USP4: variants seen among roughly 807,000 people sequenced by gnomAD.
USP4 encodes ubiquitin specific peptidase 4, also known as ubiquitin carboxyl-terminal hydrolase 4.
In USP4, 72 loss-of-function variants were observed where a neutral mutation model predicts 118.2. The ratio of observed to expected loss-of-function variants is 0.61; its 90% CI spans 0.50 to 0.74. The LOEUF (loss-of-function observed/expected upper bound fraction) is 0.74, where lower values mean the gene tolerates loss of function less well. Among genes scored for constraint, USP4 ranks in the 30% least tolerant of loss-of-function variants. USP4 has a pLI of 0.00. For synonymous variants in USP4, 415 were observed against 440.4 expected, an observed-to-expected ratio of 0.94 and a Z score of 0.72; for missense variants, 1,037 against 1,185.7, an observed-to-expected ratio of 0.87 and a Z score of 1.84.
rs551510888 is a variant in USP4 at position 49,324,780 on chromosome 3, A to C, written c.634-17T>G. 2.4e-5 allele frequency: 38 copies of C among 1,614,136 alleles called. No homozygotes were observed. The Admixed American group carries it at 2.7e-4, about 11-fold the overall frequency. ...TACTAGCACCTGAGTGAAAGGGGAA[A>C]CCAAATGAGGAGAGTTCAAACCACC... On this transcript the variant is annotated splice_polypyrimidine_tract_variant and intron_variant, in intron 5 of 21. Coordinates refer to ENST00000265560, the MANE Select transcript of USP4 (RefSeq NM_003363.4).
chr3:49,317,981 A>G (rs771886380), intron 6 of USP4, among the ~76,000 whole-genome samples: 8 of 151,894 alleles, frequency 5.3e-5, no homozygotes, highest in Non-Finnish European at 1.0e-4. Flanking sequence ...GATTACAGGC[A>G]CACGCCACCA....
chr3:49,294,565 C>A lies in USP4; in HGVS notation c.1725G>T (p.Ser575=), dbSNP rs559879557. 2 of 1,614,084 alleles carry A rather than the reference C, an allele frequency of 1.2e-6. No individual in the cohort carries two copies. Among genetic ancestry groups the A allele is most frequent in the Admixed American group, 3.3e-5 (2 of 59,986 alleles). ...AGTAGACTGGAAGCGTGACACATTC[C>A]GAGCCATCCACGGAAGTGCTGCAGA... ...YEVCSTSVDG[S]ECVTLPVYFR... The change falls in exon 14 of 22, where the codon TCG becomes TCT. Residue 575 remains serine, a synonymous_variant. Coordinates refer to ENST00000265560, the MANE Select transcript of USP4 (RefSeq NM_003363.4).
At chr3:49,289,949 A>G (rs2047135557) in intron 15 of USP4, among the ~76,000 whole-genome samples, 2 of 152,036 alleles carry the variant, frequency 1.3e-5, no homozygotes, top group African/African-American at 4.8e-5. Flanking sequence ...GTCTCCACAA[A>G]AAAGAAAAAA....
At position 49,298,609 on chromosome 3, in the gene USP4, C is replaced by A; in HGVS notation, c.1539G>T (p.Gly513=). The A allele has an allele frequency of 6.2e-7, 1 of 1,614,166 alleles. No homozygotes were observed. Among genetic ancestry groups the A allele is most frequent in the Non-Finnish European group, 8.5e-7 (1 of 1,180,032 alleles). The part of the protein sequence containing the change: ...TQYRVTVPLM[G]AVSDLCEALS... ...GAGCCTCGCACAGGTCGGACACAGC[C>A]CCCATCAGCGGCACAGTCACACGGT... Residue 513 remains glycine (G), a synonymous_variant, in exon 12 of 22, where the codon GGG becomes GGT. Transcript: ENST00000265560.
chr3:49,330,286 T>C (rs765038365), intron 2 of USP4, among the ~76,000 whole-genome samples: 3 of 152,040 alleles, frequency 2.0e-5, no homozygotes, highest in Non-Finnish European at 2.9e-5. Flanking sequence ...TCCTCATGCA[T>C]CTCCATCAGA....
At chr3:49,336,544 GAC>G (rs2047670756) in intron 1 of USP4, among the ~76,000 whole-genome samples, 1 of 148,832 alleles carries the variant, frequency 6.7e-6, no homozygotes, top group African/African-American at 2.5e-5. Flanking sequence ...TTTTTTTTGA[GAC>G]AGAGTTTCGC....
At chr3:49,321,329 C>T (rs928190813) in intron 6 of USP4, among the ~76,000 whole-genome samples, 2 of 152,106 alleles carry the variant, frequency 1.3e-5, no homozygotes, top group Admixed American at 6.6e-5. Context: ...CAATTGTTCA[C>T]CTTTCTCATC....
intron 7 of USP4, 106 bp downstream of exon 7, chr3:49,311,408 G>C: frequency 8.0e-7 from 1 of 1,248,878 alleles, no homozygotes; most frequent in Non-Finnish European, 1.1e-6. Flanking sequence ...GTTCCCATGA[G>C]GAACTCTAAC....
At chr3:49,290,992 G>A (rs1251820619) in intron 15 of USP4, among the ~76,000 whole-genome samples, 3 of 151,548 alleles carry the variant, frequency 2.0e-5, no homozygotes, top group Non-Finnish European at 2.9e-5. Flanking sequence ...TTTTGGAGAC[G>A]GAGTCTCAAT....
chr3:49,284,977 CA>C, intron 16 of USP4, 58 bp from the exon 17 acceptor site: 1 of 1,406,124 alleles, frequency 7.1e-7, no homozygotes, highest in Non-Finnish European at 9.9e-7. Context: ...AAAGGCTCTC[CA>C]AGTGACAGGA....
intron 9 of USP4, among the ~76,000 whole-genome samples, chr3:49,303,053 T>A (rs2047276903): frequency 6.6e-6 from 1 of 152,108 alleles, no homozygotes; most frequent in Non-Finnish European, 1.5e-5. Flanking sequence ...AAGCACATTC[T>A]CAGGCCCCAC....
rs2047065729 is a variant in USP4, at chr3:49,283,904, G to C, written c.2540+83C>G. The C allele has an allele frequency of 2.6e-6, 4 of 1,552,442 alleles. No individual in the cohort carries two copies. In the Admixed American group the frequency reaches 7.2e-5, roughly 28 times the overall value. Reference sequence around the variant, plus strand: ...CACATCCTTACTCAGAAAAGTTTTTGGTGGCAAACCACTCAGCCAATCAGT... The same window carrying C: ...CACATCCTTACTCAGAAAAGTTTTTCGTGGCAAACCACTCAGCCAATCAGT... On this transcript the variant is annotated intron_variant, in intron 19 of 21. Coordinates refer to ENST00000265560, the MANE Select transcript of USP4 (RefSeq NM_003363.4).
chr3:49,311,105 A>C (rs566234241), intron 7 of USP4, among the ~76,000 whole-genome samples: 1 of 152,052 alleles, frequency 6.6e-6, no homozygotes, highest in Admixed American at 6.6e-5. Flanking sequence ...ACACTTCCTC[A>C]CCCCATTCAC....
intron 8 of USP4, 72 bp downstream of exon 8, chr3:49,310,548 A>C (rs1332931991): frequency 7.6e-7 from 1 of 1,314,836 alleles, no homozygotes; most frequent in African/African-American, 1.5e-5. Flanking sequence ...GGATCCACCC[A>C]GTACCTTTGC....
intron 7 of USP4, among the ~76,000 whole-genome samples, chr3:49,311,221 TA>T (rs1336541719): frequency 1.3e-5 from 2 of 152,102 alleles, no homozygotes; most frequent in Non-Finnish European, 2.9e-5. Context: ...TATTCTGCCA[TA>T]CGGGCCAGCC....
At chr3:49,336,251 A>G (rs1234194357) in intron 1 of USP4, among the ~76,000 whole-genome samples, 1 of 141,518 alleles carries the variant, frequency 7.1e-6, no homozygotes, top group African/African-American at 2.7e-5. Flanking sequence ...GGCTCACTAC[A>G]ACCTCCACCT....
At chr3:49,302,576 T>C (rs762704871) in intron 9 of USP4, 34 bp from the exon 10 acceptor site, 7 of 1,601,100 alleles carry the variant, frequency 4.4e-6, no homozygotes, top group East Asian at 2.2e-5. Flanking sequence ...GAAGGCATAA[T>C]ACGTAAAGAA....
Position 49,283,973 on chromosome 3 carries a change from T to G in USP4, c.2540+14A>C. On this transcript the variant is annotated intron_variant, in intron 19 of 21. Transcript: ENST00000265560. The stretch of plus-strand genomic sequence containing the variant: ...TTTTTAAATGTTCCTAACACTGTAG[T>G]CACCATGACCCACCTGATTGGGAAT... 4 of 1,613,956 alleles carry G rather than the reference T, an allele frequency of 2.5e-6. No individual in the cohort carries two copies. The highest frequency in any genetic ancestry group is 3.4e-6 in the Non-Finnish European group (4 of 1,179,934).
chr3:49,327,058 AG>A (rs1280678279), intron 3 of USP4, among the ~76,000 whole-genome samples: 2 of 152,328 alleles, frequency 1.3e-5, no homozygotes, highest in African/African-American at 4.8e-5. Flanking sequence ...AAGATAAACA[AG>A]ATGCAGGACA....
Sources: allele counts gnomAD v4.1 joint callset (sites outside exome capture counted in the v4.1 genomes callset), GRCh38; gene constraint gnomAD v4.1.1; transcripts MANE v1.5; gene names NCBI Gene and HGNC (gene_info 2026-07-23, HGNC 2026-07-21).